The following UTRN variants were observed in gnomAD, a reference collection of about 807,000 sequenced individuals.
UTRN encodes utrophin, also known as dystrophin-related protein 1.
In UTRN, 283 loss-of-function variants were observed where a neutral mutation model predicts 463.9. That is an observed-to-expected ratio of 0.61 (90% CI 0.55 to 0.67). UTRN has a LOEUF of 0.67. Among genes scored for constraint, UTRN ranks in the 30% least tolerant of loss-of-function variants. UTRN has a pLI of 0.00. For synonymous variants in UTRN, 1,442 were observed against 1,431.5 expected (o/e 1.01, Z -0.17); for missense variants, 3,922 against 4,084.3 (o/e 0.96, Z 1.08).
chr6:144,751,914 C>T lies in UTRN; in HGVS notation c.8317C>T (p.Gln2773Ter), dbSNP rs1291486487. The T allele has an allele frequency of 6.2e-7, 1 of 1,611,482 alleles. No individual in the cohort carries two copies. The highest frequency in any genetic ancestry group is 2.2e-5 in the East Asian group (1 of 44,674). Residue 2773 changes from glutamine to a stop codon, truncating the protein, a stop_gained, in exon 56 of 75, where the codon CAG becomes TAG. Transcript: ENST00000367545. LOFTEE classifies it high-confidence loss of function. ...GCATCCCTCTCTAAAGATGTCTCGC[C>T]AGCTAGATGACCTTAATATGCGATG... ...DLHPSLKMSR[Q>*]LDDLNMRWKL... is the part of the protein sequence containing the mutation.
chr6:144,523,625 A>G (rs1796318073), intron 41 of UTRN, among the ~76,000 whole-genome samples: 1 of 152,094 alleles, frequency 6.6e-6, no homozygotes, highest in African/African-American at 2.4e-5. Context: ...GCCCTGTTTA[A>G]TAAATTGTGA....
chr6:144,418,667 C>A (rs1320967599), intron 3 of UTRN, among the ~76,000 whole-genome samples: 1 of 151,920 alleles, frequency 6.6e-6, no homozygotes, highest in African/African-American at 2.4e-5. Context: ...AATTTTCCTG[C>A]CTCAGTCTCC....
chr6:144,644,632 C>A (rs939772098), intron 51 of UTRN, among the ~76,000 whole-genome samples: 1 of 152,044 alleles, frequency 6.6e-6, no homozygotes, highest in Admixed American at 6.6e-5. Context: ...TTACATTTTT[C>A]CACAGTGTTT....
In UTRN at chr6:144,447,656, A is replaced by G. The variant is rs1366424356; in HGVS notation, c.1777A>G (p.Ile593Val). ...KRQTLDQLSE[I>V]GQDVGQLLDN... ...TCAAACATTGGATCAGCTGAGTGAG[A>G]TTGGCCAGGATGTGGGACAATTACT... Residue 593 changes from isoleucine (I) to valine (V), a missense_variant, in exon 16 of 75, where the codon ATT becomes GTT. Ile to Val is a conservative substitution (Grantham distance 29, BLOSUM62 3). Transcript: ENST00000367545. The G allele has an allele frequency of 1.2e-6, 2 of 1,614,050 alleles. No individual in the cohort carries two copies. The highest frequency in any genetic ancestry group is 1.1e-5 in the South Asian group (1 of 91,060).
chr6:144,707,732 G>A (rs1426461876), intron 53 of UTRN, among the ~76,000 whole-genome samples: 1 of 152,158 alleles, frequency 6.6e-6, no homozygotes, highest in Non-Finnish European at 1.5e-5. Flanking sequence ...GGTTTTGGGT[G>A]GGGCCTGCAA....
intron 43 of UTRN, among the ~76,000 whole-genome samples, chr6:144,536,748 A>T (rs1470993333): frequency 6.6e-6 from 1 of 152,064 alleles, no homozygotes; most frequent in Non-Finnish European, 1.5e-5. Flanking sequence ...ATAAAAATAA[A>T]GATACCACCA....
At chr6:144,382,012 C>T (rs991789495) in intron 2 of UTRN, among the ~76,000 whole-genome samples, 1 of 152,190 alleles carries the variant, frequency 6.6e-6, no homozygotes, top group Non-Finnish European at 1.5e-5. Flanking sequence ...ACCTCGCTAG[C>T]ATCTTTTATT....
At chr6:144,408,013 C>T (rs895111925) in intron 3 of UTRN, among the ~76,000 whole-genome samples, 1 of 152,160 alleles carries the variant, frequency 6.6e-6, no homozygotes, top group Non-Finnish European at 1.5e-5. Flanking sequence ...TTCAGATCAC[C>T]TGGTCTACAT....
intron 7 of UTRN, among the ~76,000 whole-genome samples, chr6:144,427,220 G>T (rs563034596): frequency 9.2e-5 from 14 of 151,998 alleles, no homozygotes; most frequent in African/African-American, 3.1e-4. Context: ...AAATGTATTG[G>T]ATCTTTACTT....
chr6:144,354,312 G>A (rs6923470), intron 2 of UTRN, among the ~76,000 whole-genome samples: 4,240 of 152,302 alleles, frequency 0.028, 199 homozygotes, highest in African/African-American at 0.097. Flanking sequence ...CCCTGCGTCA[G>A]TAGGAAGCTG....
At position 144,359,925 on chromosome 6, in the gene UTRN, A is replaced by T. The variant is rs1303983783; in HGVS notation, c.80-43198A>T. Reference sequence around the variant, plus strand: ...AACCTTCCAAAATTTGAATATAAGGATAATTTTGTGGAAAAGAATTCAACT... The same window carrying T: ...AACCTTCCAAAATTTGAATATAAGGTTAATTTTGTGGAAAAGAATTCAACT... On this transcript the variant is annotated intron_variant, in intron 2 of 74. Transcript: ENST00000367545. 4.6e-5 allele frequency among the ~76,000 whole-genome samples: 7 copies of T among 152,114 alleles called. No homozygotes were observed. The East Asian group carries it at 1.3e-3, about 29-fold the overall frequency.
In UTRN at chr6:144,458,922, G is replaced by A. The variant is rs1320956688; in HGVS notation, c.2437G>A (p.Val813Ile). Reference protein sequence around the residue: ...YFKQLDELEKVIKTKEEWVKH... With the variant: ...YFKQLDELEKIIKTKEEWVKH... ...CAAGCAGCTTGATGAGCTTGAAAAG[G>A]TCATCAAGACAAAGGAGGAGTGGGT... The change falls in exon 20 of 75, where the codon GTC becomes ATC. Residue 813 changes from valine to isoleucine, a missense_variant. Transcript: ENST00000367545. The A allele has an allele frequency of 1.2e-6, 2 of 1,613,900 alleles. No individual in the cohort carries two copies. The highest frequency in any genetic ancestry group is 2.2e-5 in the South Asian group (2 of 90,998).
intron 60 of UTRN, among the ~76,000 whole-genome samples, chr6:144,779,198 T>C (rs1238545986): frequency 2.0e-5 from 3 of 152,320 alleles, no homozygotes; most frequent in East Asian, 1.9e-4. Flanking sequence ...GCATAATTAA[T>C]GTTGGAATTC....
chr6:144,776,193 A>G (rs911765613), intron 60 of UTRN, among the ~76,000 whole-genome samples: 10 of 152,194 alleles, frequency 6.6e-5, no homozygotes, highest in Middle Eastern at 3.4e-3. Flanking sequence ...CTGGCTTGTA[A>G]CCCTTTTTTC....
At chr6:144,582,622 G>T (rs1480063037) in intron 51 of UTRN, among the ~76,000 whole-genome samples, 1 of 152,160 alleles carries the variant, frequency 6.6e-6, no homozygotes, top group Non-Finnish European at 1.5e-5. Flanking sequence ...TGGCAATTTG[G>T]AATGTTCAGT....
chr6:144,767,843 A>G, intron 58 of UTRN, among the ~76,000 whole-genome samples: 1 of 152,262 alleles, frequency 6.6e-6, no homozygotes, highest in East Asian at 1.9e-4. Context: ...TTGTTCTGTT[A>G]TATGCCTTTA....
At chr6:144,624,057 G>A (rs529263172) in intron 51 of UTRN, among the ~76,000 whole-genome samples, 2 of 152,248 alleles carry the variant, frequency 1.3e-5, no homozygotes, top group Admixed American at 6.5e-5. Context: ...GTTCCTAAAG[G>A]TAGAAATGGT....
At chr6:144,410,665 A>G (rs1320475565) in intron 3 of UTRN, among the ~76,000 whole-genome samples, 5 of 152,152 alleles carry the variant, frequency 3.3e-5, no homozygotes, top group Admixed American at 6.5e-5. Context: ...ATGAGTCAGA[A>G]CATATGATGT....
At position 144,447,768 on chromosome 6, in the gene UTRN, A is replaced by T. The variant is rs1346490906; in HGVS notation, c.1889A>T (p.Asp630Val). 1 of 1,610,756 alleles carries T rather than the reference A, an allele frequency of 6.2e-7. No individual in the cohort carries two copies. The highest frequency in any genetic ancestry group is 8.5e-7 in the Non-Finnish European group (1 of 1,178,226). Residue 630 changes from aspartate (D) to valine (V), a missense_variant, in exon 16 of 75, where the codon GAT becomes GTT. Around this residue, in one of 3 missense-constraint regions of UTRN, gnomAD observed 2,349 missense variants for 2,303.8 expected, o/e 1.02. Transcript: ENST00000367545. The part of the protein sequence containing the change: ...RWDSLVQRLE[D>V]SSNQVTQAVA... The stretch of plus-strand genomic sequence containing the variant: ...GATTCTTTGGTTCAGAGACTAGAAG[A>T]TTCCTCCAACCAGGTACTTTTTGAT...
Sources: gnomAD v4.1 joint callset for allele counts (sites outside exome capture counted in the v4.1 genomes callset) on GRCh38, gnomAD v4.1.1 for gene constraint, gnomAD v4.1.1 regional missense constraint, MANE v1.5 for transcripts, NCBI Gene and HGNC (gene_info 2026-07-23, HGNC 2026-07-21) for gene names.